Variants in TTC39C observed in about 807,000 individuals in gnomAD.
TTC39C encodes tetratricopeptide repeat domain 39C, also known as tetratricopeptide repeat protein 39C.
In TTC39C, 33 loss-of-function variants were observed where a neutral mutation model predicts 76.3. The observed-to-expected ratio is 0.43, with a 90% CI of 0.33 to 0.58. TTC39C has a LOEUF of 0.58. Ranked by LOEUF, TTC39C falls within the 20% of genes least tolerant of loss-of-function variation. TTC39C has a pLI of 0.04. For missense variants in TTC39C, 595 were observed against 701.4 expected, an observed-to-expected ratio of 0.85 and a Z score of 1.71; for synonymous variants, 254 against 260.6, an observed-to-expected ratio of 0.97 and a Z score of 0.24.
intron 1 of TTC39C, among the ~76,000 whole-genome samples, chr18:24,034,790 G>A (rs2083713382): frequency 6.6e-6 from 1 of 152,178 alleles, no homozygotes; most frequent in South Asian, 2.1e-4. Flanking sequence ...GTTCATTTAT[G>A]TTATAGCATA....
chr18:24,051,126 C>T (rs1216155966), intron 1 of TTC39C, among the ~76,000 whole-genome samples: 1 of 152,078 alleles, frequency 6.6e-6, no homozygotes, highest in African/African-American at 2.4e-5. Context: ...ATAATTACTA[C>T]CTCAGGCTGT....
intron 6 of TTC39C, among the ~76,000 whole-genome samples, chr18:24,108,143 T>A (rs1014972091): frequency 6.6e-6 from 1 of 152,222 alleles, no homozygotes; most frequent in Non-Finnish European, 1.5e-5. Flanking sequence ...CTGTGATTTG[T>A]CCCTGCAGCA....
chr18:24,076,950 G>C (rs1220443803), intron 4 of TTC39C: 1 of 152,162 alleles, frequency 6.6e-6, no homozygotes, highest in Non-Finnish European at 1.5e-5. Flanking sequence ...GGATTGGATG[G>C]ATTCTTAACG....
chr18:24,024,498 C>T (rs143375612), intron 1 of TTC39C, among the ~76,000 whole-genome samples: 26 of 152,134 alleles, frequency 1.7e-4, no homozygotes, highest in African/African-American at 4.8e-4. Flanking sequence ...TAAATTTACC[C>T]GTAAATGTTA....
At chr18:24,115,675 C>A (rs2084882144) in intron 7 of TTC39C, among the ~76,000 whole-genome samples, 1 of 152,192 alleles carries the variant, frequency 6.6e-6, no homozygotes, top group Admixed American at 6.5e-5. Flanking sequence ...ACTTGCTTTG[C>A]CTGCTGTGGA....
chr18:24,108,142 G>T (rs983961750), intron 6 of TTC39C, among the ~76,000 whole-genome samples: 1 of 152,200 alleles, frequency 6.6e-6, no homozygotes, highest in Non-Finnish European at 1.5e-5. Flanking sequence ...TCTGTGATTT[G>T]TCCCTGCAGC....
At chr18:24,122,399 G>A (rs955133467) in intron 8 of TTC39C, among the ~76,000 whole-genome samples, 72 of 150,438 alleles carry the variant, frequency 4.8e-4, no homozygotes, top group African/African-American at 1.7e-3. Flanking sequence ...CTACTCAGGA[G>A]GCTGAGGCAG....
At chr18:24,126,198 A>AG (rs749796086) in intron 10 of TTC39C, among the ~76,000 whole-genome samples, 2 of 152,248 alleles carry the variant, frequency 1.3e-5, no homozygotes, top group Admixed American at 1.3e-4. Flanking sequence ...CAAAAGAAAA[A>AG]GGGGAAAAAA....
At chr18:24,030,648 CTTTTTTTT>C (rs1167104790) in intron 1 of TTC39C, among the ~76,000 whole-genome samples, 8 of 89,042 alleles carry the variant, frequency 9.0e-5, no homozygotes, top group South Asian at 4.9e-4. Context: ...AAAGATAGGC[CTTTTTTTT>C]TTTTTTTTTT....
rs74451947 is a variant in TTC39C, at chr18:24,072,955, C to T, written c.460+3684C>T. 9.8e-3 allele frequency among the ~76,000 whole-genome samples: 1,500 copies of T among 152,316 alleles called. 13 individuals are homozygous for T. The highest frequency in any genetic ancestry group is 0.034 in the South Asian group (164 of 4,826). ...GACAGTTGCAGTTGAATGATTTATG[C>T]AGCTTGTTGGTGATGACAGAACCAG... On this transcript the variant is annotated intron_variant, in intron 4 of 13. Coordinates refer to ENST00000317571, the MANE Select transcript of TTC39C (RefSeq NM_001135993.2).
chr18:24,011,192 G>T (rs2083391211), upstream of TTC39C, among the ~76,000 whole-genome samples: 1 of 152,200 alleles, frequency 6.6e-6, no homozygotes, highest in African/African-American at 2.4e-5. Context: ...GGTAGTTTGG[G>T]TGAAATAGGT....
intron 1 of TTC39C, among the ~76,000 whole-genome samples, chr18:24,024,091 C>G (rs2083567048): frequency 7.0e-6 from 1 of 142,540 alleles, no homozygotes; most frequent in Non-Finnish European, 1.5e-5. Context: ...TGGCTCACTG[C>G]AACCTCCACC....
chr18:24,001,285 G>A (rs2083308841), intron 1 of TTC39C, among the ~76,000 whole-genome samples: 1 of 152,172 alleles, frequency 6.6e-6, no homozygotes, highest in Admixed American at 6.5e-5. Flanking sequence ...AGGTCAACCT[G>A]GCTTGGGTTC....
chr18:24,018,607 G>GCGT, intron 1 of TTC39C, among the ~76,000 whole-genome samples: 1 of 152,226 alleles, frequency 6.6e-6, no homozygotes, highest in East Asian at 1.9e-4. Context: ...AAGAGAAGCA[G>GCGT]CGTCTAACTC....
chr18:24,105,186 A>G (rs2084731239), intron 6 of TTC39C, among the ~76,000 whole-genome samples: 1 of 152,228 alleles, frequency 6.6e-6, no homozygotes. Flanking sequence ...AAAAATGCCA[A>G]AACACCTAAG....
intron 6 of TTC39C, among the ~76,000 whole-genome samples, chr18:24,102,668 T>C (rs1264224583): frequency 2.0e-5 from 3 of 152,082 alleles, no homozygotes; most frequent in Admixed American, 2.0e-4. Context: ...CTATGTGGCC[T>C]TCAGTGAGGC....
At chr18:24,050,875 G>GAAA (rs56836246) in intron 1 of TTC39C, among the ~76,000 whole-genome samples, 13 of 142,756 alleles carry the variant, frequency 9.1e-5, no homozygotes, top group South Asian at 2.3e-4. Flanking sequence ...TCCATCTCAG[G>GAAA]AAAAAAAAAA....
chr18:23,995,662 T>C (rs192099508), intron 1 of TTC39C, among the ~76,000 whole-genome samples: 71 of 152,150 alleles, frequency 4.7e-4, no homozygotes, highest in Middle Eastern at 3.4e-3. Context: ...TAAAAGTTTT[T>C]GTGTGACCTG....
At chr18:24,028,541 C>T (rs944202953) in intron 1 of TTC39C, among the ~76,000 whole-genome samples, 2 of 152,182 alleles carry the variant, frequency 1.3e-5, no homozygotes, top group African/African-American at 4.8e-5. Flanking sequence ...GACCTATGCT[C>T]TACTAAAAAC....
Sources: allele counts gnomAD v4.1 joint callset (sites outside exome capture counted in the v4.1 genomes callset), GRCh38; gene constraint gnomAD v4.1.1; transcripts MANE v1.5; gene names NCBI Gene and HGNC (gene_info 2026-07-23, HGNC 2026-07-21).